Variants in ARHGAP29 observed in about 807,000 individuals in gnomAD.
The protein encoded by ARHGAP29 is Rho GTPase activating protein 29.
A neutral mutation model predicts 122.6 loss-of-function variants in ARHGAP29; 43 were observed. The ratio of observed to expected loss-of-function variants is 0.35; its 90% CI spans 0.27 to 0.45. The LOEUF (loss-of-function observed/expected upper bound fraction) is 0.45. ARHGAP29 is among the 20% of genes least tolerant of loss of function. The pLI is 1.00. For synonymous variants in ARHGAP29, 506 were observed against 497.1 expected (o/e 1.02, Z -0.24); for missense variants, 1,303 against 1,477.2 (o/e 0.88, Z 1.93).
At chr1:94,309,874 G>C in the ARHGAP29 span, among the ~76,000 whole-genome samples, 8 of 152,130 alleles carry the variant, frequency 5.3e-5, no homozygotes, top group Admixed American at 5.2e-4. Flanking sequence ...GATGTTCTTT[G>C]GGTCCTATGC....
chr1:94,239,927 G>C (rs956540741), upstream of ARHGAP29, among the ~76,000 whole-genome samples: 3 of 152,066 alleles, frequency 2.0e-5, no homozygotes, highest in Admixed American at 6.5e-5. Flanking sequence ...AAAAAACAAA[G>C]ACTCCTTCAA....
chr1:94,218,762 C>T (rs2101576857), intron 3 of ARHGAP29, among the ~76,000 whole-genome samples: 1 of 152,126 alleles, frequency 6.6e-6, no homozygotes, highest in Middle Eastern at 3.4e-3. Context: ...AAAAGGAAAC[C>T]ACACAAACAT....
chr1:94,208,715 C>T, intron 5 of ARHGAP29, 117 bp downstream of exon 5: 1 of 946,570 alleles, frequency 1.1e-6, no homozygotes, highest in Non-Finnish European at 1.6e-6. Flanking sequence ...CCACCTCGGC[C>T]TCCCAAAGTG....
upstream of ARHGAP29, among the ~76,000 whole-genome samples, chr1:94,238,365 G>T (rs576243455): frequency 1.4e-4 from 22 of 151,962 alleles, no homozygotes; most frequent in South Asian, 4.4e-3. Flanking sequence ...CACTGTGCCC[G>T]GTCCTTTCTT....
chr1:94,200,570 AT>A, intron 12 of ARHGAP29, among the ~76,000 whole-genome samples: 1 of 152,314 alleles, frequency 6.6e-6, no homozygotes, highest in East Asian at 1.9e-4. Flanking sequence ...AAGAAAACTT[AT>A]GTTCAACAAG....
At chr1:94,215,254 T>C (rs1172673865) in intron 3 of ARHGAP29, among the ~76,000 whole-genome samples, 1 of 151,164 alleles carries the variant, frequency 6.6e-6, no homozygotes, top group East Asian at 1.9e-4. Context: ...TGGATAGAAA[T>C]ACTAAATATG....
chr1:94,248,660 A>C (rs1441104057), intron 1 of ARHGAP29, among the ~76,000 whole-genome samples: 1 of 152,236 alleles, frequency 6.6e-6, no homozygotes, highest in Non-Finnish European at 1.5e-5. Context: ...CGTTAGGAGA[A>C]ATATATTTGA....
the ARHGAP29 span, among the ~76,000 whole-genome samples, chr1:94,295,789 A>C: frequency 6.6e-6 from 1 of 151,098 alleles, no homozygotes; most frequent in African/African-American, 2.4e-5. Flanking sequence ...GGAATCTTCT[A>C]ATTCCACATT....
intron 12 of ARHGAP29, among the ~76,000 whole-genome samples, chr1:94,198,856 T>C (rs1650641029): frequency 6.6e-6 from 1 of 152,228 alleles, no homozygotes; most frequent in African/African-American, 2.4e-5. Context: ...AACATTTTTA[T>C]GGAAGGTCAA....
chr1:94,241,346 T>C (rs1407444315), upstream of ARHGAP29, among the ~76,000 whole-genome samples: 1 of 152,170 alleles, frequency 6.6e-6, no homozygotes, highest in African/African-American at 2.4e-5. Context: ...CCAGGTGCGG[T>C]GGCTCACGCC....
At chr1:94,290,935 G>A in the ARHGAP29 span, among the ~76,000 whole-genome samples, 1 of 152,142 alleles carries the variant, frequency 6.6e-6, no homozygotes, top group East Asian at 1.9e-4. Flanking sequence ...ATGTCTATTA[G>A]GTCCACTTGG....
In ARHGAP29 at chr1:94,226,849, A is replaced by G. The variant is rs578087852; in HGVS notation, c.205+4558T>C. Among the ~76,000 whole-genome samples the G allele has an allele frequency of 6.6e-5, 10 of 152,084 alleles. No homozygotes were observed. The South Asian group carries it at 2.1e-3, about 31-fold the overall frequency. On this transcript the variant is annotated intron_variant, in intron 2 of 22. Transcript: ENST00000260526. ...TTAGGAATAACTTCTAAAAAGATTTATTTCTAGGATAAGACAGAGCAGTAC... is the reference window on the plus strand; with the variant it reads ...TTAGGAATAACTTCTAAAAAGATTTGTTTCTAGGATAAGACAGAGCAGTAC...
At chr1:94,244,016 A>G (rs370946439) in intron 1 of ARHGAP29, among the ~76,000 whole-genome samples, 17 of 152,142 alleles carry the variant, frequency 1.1e-4, no homozygotes, top group African/African-American at 3.8e-4. Flanking sequence ...GTATTAAATA[A>G]CTGAATTCAT....
intron 3 of ARHGAP29, among the ~76,000 whole-genome samples, chr1:94,216,210 T>C (rs57666908): frequency 0.11 from 16,364 of 152,186 alleles, 1,071 homozygotes; most frequent in African/African-American, 0.18. Context: ...CTGTTTGTAA[T>C]AGGAAAAAAA....
chr1:94,177,673 T>G lies in ARHGAP29; in HGVS notation c.2844A>C (p.Thr948=), dbSNP rs61758881. The G allele has an allele frequency of 1.0e-3, 1,653 of 1,613,702 alleles. 2 individuals carry two copies. The highest frequency in any genetic ancestry group is 1.6e-3 in the South Asian group (145 of 90,968). ...GCTTGCGTTCTGATTCCTCAAATGA[T>G]GTAGCTCGTTCAAAAATTTTGCTTT... The part of the protein sequence containing the change: ...ESESKIFERA[T]SFEESERKQN... The change falls in exon 22 of 23, where the codon ACA becomes ACC. Residue 948 remains threonine, a synonymous_variant. Coordinates refer to ENST00000260526, the MANE Select transcript of ARHGAP29 (RefSeq NM_004815.4).
intron 1 of ARHGAP29, among the ~76,000 whole-genome samples, chr1:94,250,146 A>G (rs1654024805): frequency 1.3e-5 from 2 of 152,178 alleles, no homozygotes; most frequent in Admixed American, 1.3e-4. Context: ...ACAAGTGTGC[A>G]TGTTCCATGT....
intron 1 of ARHGAP29, among the ~76,000 whole-genome samples, chr1:94,245,479 A>C (rs1462865339): frequency 1.3e-5 from 2 of 152,222 alleles, no homozygotes; most frequent in Non-Finnish European, 1.5e-5. Flanking sequence ...CACACACTGT[A>C]TATCTTTGGT....
Position 94,184,934 on chromosome 1 carries a change from C to A in ARHGAP29, c.2047G>T (p.Gly683Cys). The change falls in exon 18 of 23, where the codon GGT becomes TGT. Residue 683 changes from glycine to cysteine, a missense_variant. This residue lies in a region of ARHGAP29 where 91 missense variants were observed against 177.8 expected (regional missense o/e 0.51). Coordinates refer to ENST00000260526, the MANE Select transcript of ARHGAP29 (RefSeq NM_004815.4). Reference sequence around the variant, plus strand: ...CATATTTTGAGTATAAAAGGGATACCATCTGGTTCCTTTTTTGCAACTTGT... The same window carrying A: ...CATATTTTGAGTATAAAAGGGATACAATCTGGTTCCTTTTTTGCAACTTGT... ...FTQVAKKEPD[G>C]IPFILKICAS... The A allele has an allele frequency of 1.2e-6, 2 of 1,612,762 alleles. No individual in the cohort carries two copies. The highest frequency in any genetic ancestry group is 1.7e-6 in the Non-Finnish European group (2 of 1,179,378).
rs376362296 is a variant in ARHGAP29 at position 94,202,903 on chromosome 1, C to T, written c.954+15G>A. On this transcript the variant is annotated intron_variant, in intron 10 of 22. Transcript: ENST00000260526. ...GTTCACAAATAGGTACATGAAACTC[C>T]ATTTTAATACTAACCATTTTATTTT... is the stretch of plus-strand genomic sequence containing the variant. The T allele has an allele frequency of 4.0e-5, 64 of 1,588,598 alleles. No individual in the cohort carries two copies. Among genetic ancestry groups the T allele is most frequent in the Non-Finnish European group, 5.4e-5 (63 of 1,169,710 alleles).
Sources: allele counts gnomAD v4.1 joint callset (sites outside exome capture counted in the v4.1 genomes callset), GRCh38; gene constraint gnomAD v4.1.1; regional missense constraint gnomAD v4.1.1; transcripts MANE v1.5; gene names NCBI Gene and HGNC (gene_info 2026-07-23, HGNC 2026-07-21).